The following APBA2 variants were observed in gnomAD, a reference collection of about 807,000 sequenced individuals.
The protein encoded by APBA2 is amyloid-beta A4 precursor protein-binding family A member 2.
A neutral mutation model predicts 75.0 loss-of-function variants in APBA2; 30 were observed. The observed-to-expected ratio is 0.40, with a 90% CI of 0.30 to 0.54. APBA2 has a LOEUF of 0.54. Ranked by LOEUF, APBA2 falls within the 20% of genes least tolerant of loss-of-function variation. The pLI, the probability that APBA2 is intolerant of heterozygous loss-of-function variation, is 0.49. For synonymous variants in APBA2, 444 were observed against 409.6 expected (o/e 1.08, Z -1.01); for missense variants, 801 against 1,016.1 (o/e 0.79, Z 2.88).
At chr15:28,913,239 A>G (rs2033513835) in intron 1 of APBA2, among the ~76,000 whole-genome samples, 1 of 152,162 alleles carries the variant, frequency 6.6e-6, no homozygotes, top group Non-Finnish European at 1.5e-5. Flanking sequence ...ATTGTGTGTG[A>G]CACCAGGGCC....
At chr15:29,070,357 G>A (rs183074619) in intron 4 of APBA2, among the ~76,000 whole-genome samples, 171 of 152,312 alleles carry the variant, frequency 1.1e-3, no homozygotes, top group African/African-American at 3.6e-3. Flanking sequence ...ATGCAGGAGG[G>A]ACTCCCCTTC....
intron 1 of APBA2, among the ~76,000 whole-genome samples, chr15:28,911,141 C>G (rs2033410055): frequency 6.6e-6 from 1 of 152,162 alleles, no homozygotes; most frequent in Admixed American, 6.5e-5. Flanking sequence ...TAAGTACCTT[C>G]TGGAGCAGAA....
In APBA2 at chr15:29,056,622, C is replaced by T. The variant is rs1166761068; in HGVS notation, c.951+1787C>T. Among the ~76,000 whole-genome samples the T allele has an allele frequency of 1.1e-3, 107 of 96,314 alleles. 1 individual carries two copies. Among genetic ancestry groups the T allele is most frequent in the African/African-American group, 4.5e-3 (92 of 20,650 alleles). The allele number at this position is 96,314 out of a possible 152,430, so 63.2% of individuals were successfully genotyped here. Reference sequence around the variant, plus strand: ...CCTCCCTCCCTCCCTCCTTCTCTCCCTCCCTCCCTCCCTCCTCTCTCTCTC... The same window carrying T: ...CCTCCCTCCCTCCCTCCTTCTCTCCTTCCCTCCCTCCCTCCTCTCTCTCTC... On this transcript the variant is annotated intron_variant, in intron 4 of 14. Transcript: ENST00000683413.
intron 3 of APBA2, among the ~76,000 whole-genome samples, chr15:29,009,659 A>T (rs905075718): frequency 1.3e-5 from 2 of 152,180 alleles, no homozygotes; most frequent in Admixed American, 6.6e-5. Context: ...ATTTTTTTTT[A>T]AATAAATGAA....
intron 2 of APBA2, among the ~76,000 whole-genome samples, chr15:28,937,830 T>C (rs1188651968): frequency 6.6e-6 from 1 of 152,042 alleles, no homozygotes; most frequent in Non-Finnish European, 1.5e-5. Flanking sequence ...CTAATTGTTT[T>C]GTATTTTTGG....
intron 2 of APBA2, among the ~76,000 whole-genome samples, chr15:28,995,041 A>G (rs72716215): frequency 0.012 from 1,873 of 152,246 alleles, 20 homozygotes; most frequent in Middle Eastern, 0.048. Flanking sequence ...CAGACAATTG[A>G]ACACCCCTCC....
At chr15:29,053,600 G>A (rs538808442) in intron 3 of APBA2, among the ~76,000 whole-genome samples, 3 of 152,092 alleles carry the variant, frequency 2.0e-5, no homozygotes, top group Admixed American at 6.5e-5. Flanking sequence ...GTGTGTCCTC[G>A]TGAGTTGCCG....
chr15:29,048,836 G>A (rs541089549), intron 3 of APBA2, among the ~76,000 whole-genome samples: 46 of 151,886 alleles, frequency 3.0e-4, no homozygotes, highest in East Asian at 2.3e-3. Context: ...CTAGCTACTC[G>A]GGAGGCTGAG....
In APBA2 at chr15:28,969,126, CTTTT is replaced by C. The variant is rs753143366; in HGVS notation, c.-94-26625_-94-26622del. Among the ~76,000 whole-genome samples, 507 of 106,312 alleles carry C rather than the reference CTTTT, an allele frequency of 4.8e-3. 11 individuals are homozygous for C. Among genetic ancestry groups the C allele is most frequent in the East Asian group, 0.047 (185 of 3,930 alleles). 69.7% of individuals were successfully genotyped at this position (106,312 alleles called of 152,430 possible). A position where few individuals can be genotyped will look rare whatever the true frequency, so the allele number is the denominator to read the frequency against. On this transcript the variant is annotated intron_variant, in intron 2 of 14. Transcript: ENST00000683413. ...TCTACAAAAACCTTACCTTTCATTTCTTTTTCTTTCTTTCTTTCTTTCTTTCTTT... is the reference window on the plus strand; with the variant it reads ...TCTACAAAAACCTTACCTTTCATTTCTCTTTCTTTCTTTCTTTCTTTCTTT...
intron 2 of APBA2, among the ~76,000 whole-genome samples, chr15:28,943,312 G>C (rs1367343099): frequency 2.6e-5 from 4 of 152,154 alleles, no homozygotes; most frequent in African/African-American, 9.7e-5. Context: ...CTCTGCTCAC[G>C]TGCCATGGAT....
chr15:29,008,213 G>T (rs1234938783), intron 3 of APBA2, among the ~76,000 whole-genome samples: 1 of 152,164 alleles, frequency 6.6e-6, no homozygotes, highest in Non-Finnish European at 1.5e-5. Flanking sequence ...AAGTAGAATG[G>T]TGGTTGCCAG....
At chr15:28,916,270 C>T (rs1240949943) in intron 1 of APBA2, among the ~76,000 whole-genome samples, 1 of 152,180 alleles carries the variant, frequency 6.6e-6, no homozygotes, top group Non-Finnish European at 1.5e-5. Context: ...TCTCCTGATG[C>T]CCAGAGTGGC....
chr15:28,942,799 G>A (rs567700676), intron 2 of APBA2, among the ~76,000 whole-genome samples: 1 of 152,354 alleles, frequency 6.6e-6, no homozygotes, highest in African/African-American at 2.4e-5. Flanking sequence ...GCCCAGTTGT[G>A]TGGCTGCCTC....
chr15:29,008,898 C>T (rs2039264767), intron 3 of APBA2, among the ~76,000 whole-genome samples: 1 of 152,096 alleles, frequency 6.6e-6, no homozygotes, highest in Non-Finnish European at 1.5e-5. Flanking sequence ...AACTATGTTT[C>T]TGTTCTTTCA....
chr15:28,999,015 G>A (rs1276996635), intron 3 of APBA2, among the ~76,000 whole-genome samples: 1 of 152,118 alleles, frequency 6.6e-6, no homozygotes, highest in African/African-American at 2.4e-5. Context: ...GGGTGTGGTG[G>A]CGGACATCTA....
chr15:28,914,946 A>G (rs2033596308), intron 1 of APBA2, among the ~76,000 whole-genome samples: 1 of 148,874 alleles, frequency 6.7e-6, no homozygotes, highest in Non-Finnish European at 1.5e-5. Flanking sequence ...CACACATACC[A>G]TGCCCACCTC....
At chr15:29,092,544 G>A (rs1347484798) in intron 6 of APBA2, among the ~76,000 whole-genome samples, 1 of 152,104 alleles carries the variant, frequency 6.6e-6, no homozygotes, top group East Asian at 1.9e-4. Context: ...TCTAGGGGCA[G>A]CAGATGGAAC....
intron 14 of APBA2, 122 bp from the exon 15 acceptor site, chr15:29,116,940 C>A: frequency 2.8e-6 from 3 of 1,085,868 alleles, no homozygotes; most frequent in Non-Finnish European, 4.3e-6. Context: ...CTTCCTCCTT[C>A]ACTCTAGGAG....
intron 3 of APBA2, among the ~76,000 whole-genome samples, chr15:29,016,348 A>G (rs1441214826): frequency 6.6e-6 from 1 of 152,218 alleles, no homozygotes; most frequent in Non-Finnish European, 1.5e-5. Context: ...TGATAGACAA[A>G]GCAACAGAGC....
Sources: gnomAD v4.1 joint callset for allele counts (sites outside exome capture counted in the v4.1 genomes callset) on GRCh38, gnomAD v4.1.1 for gene constraint, MANE v1.5 for transcripts, NCBI Gene and HGNC (gene_info 2026-07-23, HGNC 2026-07-21) for gene names.